Variants in EPB41 observed in about 807,000 individuals in gnomAD.
EPB41 encodes the protein erythrocyte membrane protein band 4.1, also known as protein 4.1.
EPB41 carries 65 observed loss-of-function variants against 108.0 expected under a neutral mutation model. The ratio of observed to expected loss-of-function variants is 0.60; its 90% CI spans 0.49 to 0.74. The LOEUF (loss-of-function observed/expected upper bound fraction) is 0.74. Among genes scored for constraint, EPB41 ranks in the 30% least tolerant of loss-of-function variants. The probability of loss-of-function intolerance (pLI) is 0.00; values close to 1 mark genes in which losing one functional copy is unlikely to be tolerated. For missense variants in EPB41, 875 were observed against 1,037.0 expected, an observed-to-expected ratio of 0.84 and a Z score of 2.15; for synonymous variants, 336 against 358.9, an observed-to-expected ratio of 0.94 and a Z score of 0.72.
At chr1:29,053,341 A>G (rs191855708) in intron 12 of EPB41, 29 bp downstream of exon 12, 4 of 1,613,460 alleles carry the variant, frequency 2.5e-6, no homozygotes, top group African/African-American at 2.7e-5. Flanking sequence ...TACCTAGCTA[A>G]CTCACTTTCT....
intron 17 of EPB41, among the ~76,000 whole-genome samples, chr1:29,099,988 T>C (rs2151521112): frequency 6.6e-6 from 1 of 152,324 alleles, no homozygotes; most frequent in East Asian, 1.9e-4. Context: ...GCTTTGAGAC[T>C]AGGATAATCA....
intron 2 of EPB41, among the ~76,000 whole-genome samples, chr1:28,989,057 A>T (rs2095943245): frequency 6.6e-6 from 1 of 152,202 alleles, no homozygotes; most frequent in Non-Finnish European, 1.5e-5. Flanking sequence ...CTTTTACGTA[A>T]ATCTTCCTAA....
intron 1 of EPB41, among the ~76,000 whole-genome samples, chr1:28,901,385 C>T (rs913426601): frequency 1.1e-4 from 16 of 150,968 alleles, no homozygotes; most frequent in African/African-American, 3.9e-4. Context: ...CCACCATGTC[C>T]AGCTAATTTT....
intron 11 of EPB41, among the ~76,000 whole-genome samples, chr1:29,050,587 GT>G (rs1381382191): frequency 6.6e-6 from 1 of 152,208 alleles, no homozygotes; most frequent in African/African-American, 2.4e-5. Flanking sequence ...CCCATTAGTA[GT>G]AGCTCTGTGC....
intron 1 of EPB41, among the ~76,000 whole-genome samples, chr1:28,888,462 C>T (rs2089707819): frequency 6.6e-6 from 1 of 152,150 alleles, no homozygotes; most frequent in African/African-American, 2.4e-5. Flanking sequence ...CAAGGGACTT[C>T]TGCATGTTGG....
At chr1:29,104,227 T>C (rs1332517760) in intron 17 of EPB41, among the ~76,000 whole-genome samples, 1 of 152,230 alleles carries the variant, frequency 6.6e-6, no homozygotes, top group Non-Finnish European at 1.5e-5. Context: ...GCACTAGATA[T>C]TCATTTGCAA....
intron 1 of EPB41, among the ~76,000 whole-genome samples, chr1:28,950,047 G>C (rs1262604734): frequency 2.0e-5 from 3 of 152,152 alleles, no homozygotes; most frequent in Non-Finnish European, 2.9e-5. Context: ...CAGTGGTACA[G>C]TGAACATTCA....
intron 12 of EPB41, chr1:29,054,139 T>C (rs1644965999): frequency 6.6e-6 from 1 of 152,242 alleles, no homozygotes; most frequent in South Asian, 2.1e-4. Flanking sequence ...ACTGCTGAGT[T>C]GCCTATGGTT....
At chr1:28,888,072 AC>A (rs1438281511) in intron 1 of EPB41, among the ~76,000 whole-genome samples, 1 of 152,138 alleles carries the variant, frequency 6.6e-6, no homozygotes, top group African/African-American at 2.4e-5. Flanking sequence ...GTCCAGACCA[AC>A]CCGAGCCCGA....
chr1:29,015,570 G>A (rs1406312274), intron 5 of EPB41, 122 bp from the exon 6 acceptor site: 36 of 683,852 alleles, frequency 5.3e-5, no homozygotes, highest in South Asian at 4.0e-4. Flanking sequence ...GTGAGACTCC[G>A]TCTCAAAGAA....
At chr1:28,953,169 AG>A (rs1412700768) in intron 1 of EPB41, among the ~76,000 whole-genome samples, 2 of 151,894 alleles carry the variant, frequency 1.3e-5, no homozygotes, top group Non-Finnish European at 2.9e-5. Context: ...TTCAGTCCAT[AG>A]GTATACTCTT....
chr1:28,944,274 A>T (rs1015683574), intron 1 of EPB41, among the ~76,000 whole-genome samples: 3 of 152,164 alleles, frequency 2.0e-5, no homozygotes, highest in Non-Finnish European at 4.4e-5. Flanking sequence ...GTTAAAAAAA[A>T]TAGGAAGAAT....
intron 7 of EPB41, among the ~76,000 whole-genome samples, chr1:29,028,362 C>G (rs955203406): frequency 6.6e-6 from 1 of 151,872 alleles, no homozygotes; most frequent in Non-Finnish European, 1.5e-5. Flanking sequence ...GTAGATGAAC[C>G]ACTGGACTAT....
intron 7 of EPB41, among the ~76,000 whole-genome samples, chr1:29,028,487 G>A (rs78919318): frequency 0.023 from 3,572 of 152,270 alleles, 156 homozygotes; most frequent in African/African-American, 0.082. Flanking sequence ...CAAAGTCATT[G>A]CCTATCCTAG....
intron 1 of EPB41, among the ~76,000 whole-genome samples, chr1:28,909,531 C>G (rs1557637581): frequency 6.6e-6 from 1 of 151,940 alleles, no homozygotes; most frequent in South Asian, 2.1e-4. Flanking sequence ...TGCAGTGGCT[C>G]ACGCTTGTAA....
chr1:28,944,063 T>C (rs180901163), intron 1 of EPB41, among the ~76,000 whole-genome samples: 1 of 152,280 alleles, frequency 6.6e-6, no homozygotes, highest in African/African-American at 2.4e-5. Flanking sequence ...TGCAACAATA[T>C]GGATGGAACT....
intron 1 of EPB41, among the ~76,000 whole-genome samples, chr1:28,974,521 A>G (rs141768175): frequency 6.6e-6 from 1 of 152,352 alleles, no homozygotes; most frequent in African/African-American, 2.4e-5. Context: ...TCATACAAAC[A>G]TAAAAGCAGT....
At chr1:28,933,821 G>A (rs867480542) in intron 1 of EPB41, among the ~76,000 whole-genome samples, 3 of 151,960 alleles carry the variant, frequency 2.0e-5, no homozygotes, top group Non-Finnish European at 4.4e-5. Flanking sequence ...CCACACACAC[G>A]GTTTTAGATT....
At chr1:29,076,321 A>C (rs1654059688) in intron 16 of EPB41, among the ~76,000 whole-genome samples, 1 of 152,198 alleles carries the variant, frequency 6.6e-6, no homozygotes, top group African/African-American at 2.4e-5. Flanking sequence ...ATAAATTGAC[A>C]TTCTCTCTCC....
Sources: allele counts gnomAD v4.1 joint callset (sites outside exome capture counted in the v4.1 genomes callset), GRCh38; gene constraint gnomAD v4.1.1; transcripts MANE v1.5; gene names NCBI Gene and HGNC (gene_info 2026-07-23, HGNC 2026-07-21).